MTRR: variants seen among roughly 807,000 people sequenced by gnomAD.
MTRR encodes the protein 5-methyltetrahydrofolate-homocysteine methyltransferase reductase, also known as methionine synthase reductase.
In MTRR, 63 loss-of-function variants were observed where a neutral mutation model predicts 79.2. The ratio of observed to expected loss-of-function variants is 0.80; its 90% CI spans 0.65 to 0.98. The LOEUF (loss-of-function observed/expected upper bound fraction) is 0.98, where lower values mean the gene tolerates loss of function less well. Among genes scored for constraint, MTRR ranks in the 50% least tolerant of loss-of-function variants. MTRR has a pLI of 0.00. For missense variants in MTRR, 895 were observed against 839.6 expected (o/e 1.07, Z -0.82); for synonymous variants, 355 against 313.3 (o/e 1.13, Z -1.41).
intron 1 of MTRR, chr5:7,861,405 CTTA>C (rs2126592713): frequency 1.7e-6 from 1 of 596,676 alleles, no homozygotes; most frequent in East Asian, 3.0e-5. Flanking sequence ...TGAATTTGAT[CTTA>C]TTAATATTAA....
At chr5:7,887,306 T>C (rs923352098) in intron 8 of MTRR, among the ~76,000 whole-genome samples, 8 of 152,068 alleles carry the variant, frequency 5.3e-5, no homozygotes, top group Non-Finnish European at 1.5e-5. Flanking sequence ...ACTGTTTTTT[T>C]AAAACTACTT....
Position 7,893,436 on chromosome 5 carries a change from T to C in MTRR, c.1557+523T>C, listed in dbSNP as rs181263993. On this transcript the variant is annotated intron_variant, in intron 11 of 14. Transcript: ENST00000440940. ...TCTGACATCTGAACTTGTGCCATTA[T>C]TGAGAAGACATATGGCTGTAAATAC... The C allele has an allele frequency of 1.7e-3, 274 of 164,186 alleles. 6 individuals are homozygous for C. Among genetic ancestry groups the C allele is most frequent in the Admixed American group, 0.015 (265 of 17,348 alleles). 10.2% of individuals were successfully genotyped at this position (164,186 alleles called of 1,614,324 possible). A position where few individuals can be genotyped will look rare whatever the true frequency, so the allele number is the denominator to read the frequency against.
chr5:7,870,078 A>G (rs1006431712), intron 1 of MTRR: 4 of 985,334 alleles, frequency 4.1e-6, no homozygotes, highest in African/African-American at 1.7e-5. Flanking sequence ...TTGTTTTACT[A>G]CTGCTTATCT....
At chr5:7,852,163 C>A (rs180929390) in intron 1 of MTRR, among the ~76,000 whole-genome samples, 4 of 152,278 alleles carry the variant, frequency 2.6e-5, no homozygotes, top group African/African-American at 9.6e-5. Context: ...ATGGAGAGAT[C>A]TTACAGATGA....
At position 7,879,462 on chromosome 5, in the gene MTRR, CAAAAAAAAA is replaced by C. The variant is rs35558077; in HGVS notation, c.780+1155_780+1163del. On this transcript the variant is annotated intron_variant, in intron 5 of 14. Transcript: ENST00000440940. ...TGAGCGACAGAGTAAGACTCCGTCT[CAAAAAAAAA>C]AAAAAAAAAAAAAAGTTTCTGGGTT... is the stretch of plus-strand genomic sequence containing the variant. Among the ~76,000 whole-genome samples, 789 of 88,612 alleles carry C rather than the reference CAAAAAAAAA, an allele frequency of 8.9e-3. 8 individuals are homozygous for C. Among genetic ancestry groups the C allele is most frequent in the African/African-American group, 0.033 (759 of 22,814 alleles). 58.1% of individuals were successfully genotyped at this position (88,612 alleles called of 152,430 possible).
intron 4 of MTRR, 30 bp from the exon 5 acceptor site, chr5:7,877,913 GT>G: frequency 1.2e-6 from 2 of 1,608,274 alleles, no homozygotes; most frequent in Non-Finnish European, 1.7e-6. Context: ...TTAGGCATTT[GT>G]TTTGTTTTTC....
chr5:7,851,030 C>G (rs1282288795), upstream of MTRR: 4 of 1,244,736 alleles, frequency 3.2e-6, no homozygotes, highest in African/African-American at 6.2e-5. Context: ...ATGCCGCCAC[C>G]GTCCAGCGCC....
upstream of MTRR, among the ~76,000 whole-genome samples, chr5:7,865,658 C>T (rs1409729406): frequency 6.6e-6 from 1 of 152,160 alleles, no homozygotes; most frequent in African/African-American, 2.4e-5. Flanking sequence ...CTGTAACTCA[C>T]ATGCCTGCAG....
At chr5:7,851,680 T>C (rs1320663567) in intron 1 of MTRR, 1 of 152,152 alleles carries the variant, frequency 6.6e-6, no homozygotes, top group Non-Finnish European at 1.5e-5. Flanking sequence ...TATTGGCCAG[T>C]GCAGGTGTAA....
At position 7,858,109 on chromosome 5, in the gene MTRR, G is replaced by T. The variant is rs146654784; in HGVS notation, n.392-3842G>T. Among the ~76,000 whole-genome samples the T allele has an allele frequency of 2.3e-3, 343 of 152,264 alleles. 6 individuals are homozygous for T. The highest frequency in any genetic ancestry group is 7.7e-3 in the Admixed American group (118 of 15,300). ...TTGAGTTTCGCACCAAAAATTAGCTGAGTCATAGGAAGAGGTGTACAGCAC... is the reference window on the plus strand; with the variant it reads ...TTGAGTTTCGCACCAAAAATTAGCTTAGTCATAGGAAGAGGTGTACAGCAC... On this transcript the variant is annotated intron_variant and non_coding_transcript_variant, in intron 1 of 3. Coordinates refer to the MTRR transcript ENST00000502509.
At chr5:7,858,287 G>C (rs1011486705) in intron 1 of MTRR, among the ~76,000 whole-genome samples, 1 of 152,170 alleles carries the variant, frequency 6.6e-6, no homozygotes, top group African/African-American at 2.4e-5. Flanking sequence ...TGTCAGGAAT[G>C]CCTGTTTTAA....
intron 4 of MTRR, among the ~76,000 whole-genome samples, chr5:7,876,193 A>G (rs181443482): frequency 2.0e-5 from 3 of 152,062 alleles, no homozygotes; most frequent in Non-Finnish European, 4.4e-5. Context: ...CCCTGTGCCC[A>G]CTTCTTCCGT....
chr5:7,895,617 G>A (rs994571660), intron 11 of MTRR, 117 bp from the exon 12 acceptor site: 3 of 1,318,558 alleles, frequency 2.3e-6, no homozygotes, highest in Non-Finnish European at 3.3e-6. Flanking sequence ...CCACTATTTA[G>A]TGATGTTTCT....
Position 7,875,466 on chromosome 5 carries a change from G to A in MTRR, c.401+91G>A, listed in dbSNP as rs139746375. On this transcript the variant is annotated intron_variant, in intron 4 of 14. Transcript: ENST00000440940. ...ACATGTCAGCTTTTCACTTAACACT[G>A]AAATTTTCCTCATGTTTTACTTTTG... 27 of 1,136,154 alleles carry A rather than the reference G, an allele frequency of 2.4e-5. No individual in the cohort carries two copies. The African/African-American group carries it at 4.1e-4, about 17-fold the overall frequency. The allele number at this position is 1,136,154 out of a possible 1,614,324, so 70.4% of individuals were successfully genotyped here.
intron 5 of MTRR, among the ~76,000 whole-genome samples, chr5:7,879,659 T>TG (rs1266090468): frequency 6.6e-6 from 1 of 152,154 alleles, no homozygotes; most frequent in Non-Finnish European, 1.5e-5. Flanking sequence ...GGCATCCTCT[T>TG]GGGACCATTG....
chr5:7,855,975 A>G (rs890353454), intron 1 of MTRR, among the ~76,000 whole-genome samples: 1 of 152,188 alleles, frequency 6.6e-6, no homozygotes, highest in African/African-American at 2.4e-5. Context: ...ACAGGAGCCT[A>G]GAGACATCGA....
intron 2 of MTRR, chr5:7,862,830 A>T: frequency 6.2e-7 from 1 of 1,608,536 alleles, no homozygotes; most frequent in Non-Finnish European, 8.5e-7. Context: ...TACCTATTGT[A>T]TAACAATAGG....
intron 4 of MTRR, among the ~76,000 whole-genome samples, chr5:7,877,365 G>A (rs976910289): frequency 2.6e-5 from 4 of 151,718 alleles, no homozygotes; most frequent in African/African-American, 9.7e-5. Flanking sequence ...GCCTCCCTGG[G>A]AATTTTACTA....
intron 4 of MTRR, 54 bp from the exon 5 acceptor site, chr5:7,877,890 T>C: frequency 6.2e-7 from 1 of 1,602,402 alleles, no homozygotes; most frequent in Admixed American, 1.7e-5. Flanking sequence ...TGTTCTGTGT[T>C]CAGATGGAGA....
Sources: gnomAD v4.1 joint callset for allele counts (sites outside exome capture counted in the v4.1 genomes callset) on GRCh38, gnomAD v4.1.1 for gene constraint, MANE v1.5 for transcripts, NCBI Gene and HGNC (gene_info 2026-07-23, HGNC 2026-07-21) for gene names.